GRIK4: variants seen among roughly 807,000 people sequenced by gnomAD.
GRIK4 encodes glutamate receptor ionotropic, kainate 4.
A neutral mutation model predicts 104.9 loss-of-function variants in GRIK4; 40 were observed. That is an observed-to-expected ratio of 0.38 (90% CI 0.30 to 0.50). The LOEUF is 0.50. Ranked by LOEUF, GRIK4 falls within the 20% of genes least tolerant of loss-of-function variation. The pLI, the probability that GRIK4 is intolerant of heterozygous loss-of-function variation, is 0.93. For missense variants in GRIK4, 1,047 were observed against 1,308.1 expected, an observed-to-expected ratio of 0.80 and a Z score of 3.08; for synonymous variants, 485 against 524.9, an observed-to-expected ratio of 0.92 and a Z score of 1.04.
intron 8 of GRIK4, among the ~76,000 whole-genome samples, chr11:120,838,410 A>G (rs957112109): frequency 6.6e-6 from 1 of 152,248 alleles, no homozygotes; most frequent in African/African-American, 2.4e-5. Context: ...TTAGAAAAAT[A>G]TATAGCTCTA....
At chr11:120,935,326 G>A (rs1943572844) in intron 13 of GRIK4, among the ~76,000 whole-genome samples, 1 of 152,102 alleles carries the variant, frequency 6.6e-6, no homozygotes, top group South Asian at 2.1e-4. Flanking sequence ...CAAGGCAGGT[G>A]GATCACCTGA....
intron 3 of GRIK4, among the ~76,000 whole-genome samples, chr11:120,693,941 C>T (rs1364012562): frequency 1.3e-5 from 2 of 152,166 alleles, no homozygotes; most frequent in African/African-American, 4.8e-5. Context: ...TGTCTTAAGA[C>T]AGAAAATTGT....
chr11:120,571,880 G>A (rs530163828), intron 1 of GRIK4, among the ~76,000 whole-genome samples: 98 of 152,312 alleles, frequency 6.4e-4, no homozygotes, highest in African/African-American at 2.3e-3. Flanking sequence ...GGGAACATGA[G>A]GAGTGAGGCC....
chr11:120,929,023 ATG>A lies in GRIK4; in HGVS notation c.1477-11306_1477-11305del, dbSNP rs71050760. On this transcript the variant is annotated intron_variant, in intron 13 of 20. Transcript: ENST00000527524. Reference sequence around the variant, plus strand: ...CACGCGTGTATGTGTGTGTGCGCACATGTGTGTGTGTGTGTGTGTCTGTGTGT... The same window carrying A: ...CACGCGTGTATGTGTGTGTGCGCACATGTGTGTGTGTGTGTGTCTGTGTGT... Among the ~76,000 whole-genome samples the A allele has an allele frequency of 6.9e-4, 62 of 89,554 alleles. 1 individual carries two copies. The highest frequency in any genetic ancestry group is 6.8e-3 in the Middle Eastern group (1 of 148). The allele number at this position is 89,554 out of a possible 152,430, so 58.8% of individuals were successfully genotyped here.
intron 18 of GRIK4, among the ~76,000 whole-genome samples, chr11:120,966,647 C>T (rs1282473393): frequency 1.3e-5 from 2 of 152,224 alleles, no homozygotes; most frequent in East Asian, 3.8e-4. Flanking sequence ...GCTGGGATTA[C>T]AGGCGTGAGC....
intron 11 of GRIK4, among the ~76,000 whole-genome samples, chr11:120,884,397 A>G (rs1955059704): frequency 6.6e-6 from 1 of 152,118 alleles, no homozygotes; most frequent in Non-Finnish European, 1.5e-5. Flanking sequence ...GGGCAGAGAG[A>G]AGAACAAAAC....
At position 120,737,069 on chromosome 11, in the gene GRIK4, G is replaced by A. The variant is rs149294655; in HGVS notation, c.83-65624G>A. ...ATAGTCGTTGCAATGGATTGGAACC[G>A]ATGTTTAGACATGGTCTAGTATATT... On this transcript the variant is annotated intron_variant, in intron 3 of 20. Transcript: ENST00000527524. Among the ~76,000 whole-genome samples, 26 of 152,280 alleles carry A rather than the reference G, an allele frequency of 1.7e-4. No homozygotes were observed. In the East Asian group the frequency reaches 3.5e-3, roughly 20 times the overall value.
intron 3 of GRIK4, among the ~76,000 whole-genome samples, chr11:120,785,272 C>T (rs2852223): frequency 0.2 from 30,321 of 152,192 alleles, 4,660 homozygotes; most frequent in African/African-American, 0.43. Flanking sequence ...TGCTGGCTGG[C>T]TGAGCTTGCC....
intron 1 of GRIK4, among the ~76,000 whole-genome samples, chr11:120,624,964 C>T (rs566405436): frequency 2.6e-5 from 4 of 152,252 alleles, no homozygotes; most frequent in African/African-American, 9.6e-5. Context: ...AGCAATCATG[C>T]GCCTCATTTT....
chr11:120,817,712 G>T (rs1341365905), intron 5 of GRIK4, among the ~76,000 whole-genome samples: 1 of 152,146 alleles, frequency 6.6e-6, no homozygotes, highest in Non-Finnish European at 1.5e-5. Flanking sequence ...GGAACCATAG[G>T]ACCAGGACTG....
intron 5 of GRIK4, among the ~76,000 whole-genome samples, chr11:120,816,494 C>T (rs1952964391): frequency 6.6e-6 from 1 of 152,144 alleles, no homozygotes; most frequent in Non-Finnish European, 1.5e-5. Context: ...GCTCTAGTCT[C>T]AGGAGGACAC....
At chr11:120,609,762 C>T (rs1005474086) in intron 1 of GRIK4, among the ~76,000 whole-genome samples, 1 of 152,108 alleles carries the variant, frequency 6.6e-6, no homozygotes, top group African/African-American at 2.4e-5. Flanking sequence ...GATCCATCTG[C>T]CTCGGCCTCC....
At position 120,638,496 on chromosome 11, in the gene GRIK4, T is replaced by C. The variant is rs1457995510; in HGVS notation, c.-158-15189T>C. ...CTTCTTCTTTTGCTTTTTTTTTTTT[T>C]CTGAGACGGAGTCTCGTGTCACCCA... On this transcript the variant is annotated intron_variant, in intron 1 of 20. Coordinates refer to ENST00000527524, the MANE Select transcript of GRIK4 (RefSeq NM_014619.5). Among the ~76,000 whole-genome samples the C allele has an allele frequency of 5.0e-5, 7 of 140,428 alleles. No individual in the cohort carries two copies. The East Asian group carries it at 1.5e-3, about 30-fold the overall frequency. 92.1% of individuals were successfully genotyped at this position (140,428 alleles called of 152,430 possible). A position where few individuals can be genotyped will look rare whatever the true frequency, so the allele number is the denominator to read the frequency against.
In GRIK4 at chr11:120,810,246, A is replaced by G. The variant is rs80181048; in HGVS notation, c.248-5132A>G. Among the ~76,000 whole-genome samples, 325 of 152,386 alleles carry G rather than the reference A, an allele frequency of 2.1e-3. 2 individuals are homozygous for G. Among genetic ancestry groups the G allele is most frequent in the African/African-American group, 7.5e-3 (310 of 41,592 alleles). ...CCAACAACTGAGTTTGATGAAAAAC[A>G]TCAAGTTTCAGAGCCTTTTGGACTT... On this transcript the variant is annotated intron_variant, in intron 4 of 20. Transcript: ENST00000527524.
At chr11:120,530,119 C>G (rs965789501) in intron 1 of GRIK4, among the ~76,000 whole-genome samples, 2 of 152,228 alleles carry the variant, frequency 1.3e-5, no homozygotes, top group African/African-American at 4.8e-5. Flanking sequence ...TGTGTGCCAA[C>G]CACAAGGTGC....
intron 3 of GRIK4, among the ~76,000 whole-genome samples, chr11:120,674,105 T>A (rs1431551246): frequency 6.6e-6 from 1 of 152,202 alleles, no homozygotes; most frequent in African/African-American, 2.4e-5. Context: ...CTTCCAGAGA[T>A]GCACCATTAG....
intron 20 of GRIK4, among the ~76,000 whole-genome samples, chr11:120,983,767 A>G (rs1176394276): frequency 6.6e-6 from 1 of 152,144 alleles, no homozygotes; most frequent in Non-Finnish European, 1.5e-5. Context: ...CTTACACACC[A>G]CGCTGCAGTT....
intron 6 of GRIK4, among the ~76,000 whole-genome samples, chr11:120,830,265 C>T (rs1185076595): frequency 2.6e-5 from 4 of 151,940 alleles, no homozygotes; most frequent in Admixed American, 6.5e-5. Context: ...TGTCTCTGGA[C>T]CTTCCCAGGC....
intron 3 of GRIK4, among the ~76,000 whole-genome samples, chr11:120,762,570 G>A (rs1307227146): frequency 4.6e-5 from 7 of 152,140 alleles, no homozygotes; most frequent in African/African-American, 9.7e-5. Context: ...TATTGGCTGT[G>A]GGTTTGTCAT....
Sources: allele counts gnomAD v4.1 joint callset (sites outside exome capture counted in the v4.1 genomes callset), GRCh38; gene constraint gnomAD v4.1.1; transcripts MANE v1.5; gene names NCBI Gene and HGNC (gene_info 2026-07-23, HGNC 2026-07-21).